GATAD2B: variants seen among roughly 807,000 people sequenced by gnomAD.
GATAD2B encodes the protein transcriptional repressor p66-beta.
GATAD2B carries 8 observed loss-of-function variants against 64.3 expected under a neutral mutation model. The observed-to-expected ratio is 0.12, with a 90% CI of 0.07 to 0.22. GATAD2B has a LOEUF of 0.22. GATAD2B is among the 10% of genes least tolerant of loss of function. The probability of loss-of-function intolerance (pLI) is 1.00; values close to 1 mark genes in which losing one functional copy is unlikely to be tolerated. For missense variants in GATAD2B, 453 were observed against 752.0 expected, an observed-to-expected ratio of 0.60 and a Z score of 4.65; for synonymous variants, 281 against 271.3, an observed-to-expected ratio of 1.04 and a Z score of -0.35.
intron 1 of GATAD2B, among the ~76,000 whole-genome samples, chr1:153,838,870 G>A (rs1048530639): frequency 2.6e-5 from 4 of 152,086 alleles, no homozygotes; most frequent in African/African-American, 9.7e-5. Context: ...AACACTTTGG[G>A]AGGCCAAGGA....
chr1:153,829,524 T>G (rs1675004617), intron 1 of GATAD2B, among the ~76,000 whole-genome samples: 1 of 151,306 alleles, frequency 6.6e-6, no homozygotes, highest in African/African-American at 2.4e-5. Context: ...GATCACGAGG[T>G]CAGGAGTTCA....
At chr1:153,856,672 A>C (rs1676091618) in intron 1 of GATAD2B, among the ~76,000 whole-genome samples, 1 of 152,084 alleles carries the variant, frequency 6.6e-6, no homozygotes, top group South Asian at 2.1e-4. Flanking sequence ...CACTTTGGGA[A>C]ACTGAGGTGG....
At chr1:153,886,687 G>A (rs1677196398) in intron 1 of GATAD2B, among the ~76,000 whole-genome samples, 1 of 151,706 alleles carries the variant, frequency 6.6e-6, no homozygotes. Context: ...GACTAGCTGG[G>A]ACTACAGGTG....
intron 1 of GATAD2B, among the ~76,000 whole-genome samples, chr1:153,893,142 T>C (rs1677473855): frequency 6.6e-6 from 1 of 152,174 alleles, no homozygotes; most frequent in Non-Finnish European, 1.5e-5. Context: ...GTCTATTAGC[T>C]GAGATTTGCC....
chr1:153,830,482 A>ATTAT (rs1553190005), intron 1 of GATAD2B, among the ~76,000 whole-genome samples: 22 of 132,536 alleles, frequency 1.7e-4, no homozygotes, highest in Non-Finnish European at 2.5e-4. Flanking sequence ...TTATTTATTT[A>ATTAT]TTTTTTTTTT....
chr1:153,842,991 C>T (rs1363329611), intron 1 of GATAD2B, among the ~76,000 whole-genome samples: 33 of 132,596 alleles, frequency 2.5e-4, no homozygotes, highest in Admixed American at 4.1e-4. Flanking sequence ...GTCTCGCTGT[C>T]GCCCAGGCTG....
Position 153,817,553 on chromosome 1 carries a change from A to C in GATAD2B, c.730-11T>G. 2 of 1,573,782 alleles carry C rather than the reference A, an allele frequency of 1.3e-6. No individual in the cohort carries two copies. Among genetic ancestry groups the C allele is most frequent in the African/African-American group, 2.7e-5 (2 of 73,644 alleles). On this transcript the variant is annotated splice_polypyrimidine_tract_variant and intron_variant, in intron 5 of 10. Transcript: ENST00000368655. ...GATGACACTGTGACCCTGGAGGGGAAGAAGAGGAAAAGAACTAATCACAGG... is the reference window on the plus strand; with the variant it reads ...GATGACACTGTGACCCTGGAGGGGACGAAGAGGAAAAGAACTAATCACAGG...
At chr1:153,896,890 T>C (rs1677611367) in intron 1 of GATAD2B, among the ~76,000 whole-genome samples, 2 of 152,220 alleles carry the variant, frequency 1.3e-5, no homozygotes, top group Non-Finnish European at 2.9e-5. Flanking sequence ...TTTATACTCA[T>C]TGCTTTTTAT....
At chr1:153,863,627 T>C (rs1676385128) in intron 1 of GATAD2B, among the ~76,000 whole-genome samples, 1 of 152,068 alleles carries the variant, frequency 6.6e-6, no homozygotes, top group Non-Finnish European at 1.5e-5. Flanking sequence ...AAATTCTGTT[T>C]TTCTTTTTTT....
At chr1:153,888,095 A>G (rs561847835) in intron 1 of GATAD2B, among the ~76,000 whole-genome samples, 1 of 152,160 alleles carries the variant, frequency 6.6e-6, no homozygotes, top group Admixed American at 6.6e-5. Context: ...TCAAAAAAAA[A>G]AAAAAAATTA....
At chr1:153,819,784 A>G in intron 2 of GATAD2B, 49 bp from the exon 3 acceptor site, 1 of 1,549,208 alleles carries the variant, frequency 6.5e-7, no homozygotes. Flanking sequence ...AAGTTAAGAA[A>G]ACTTCTATGC....
intron 1 of GATAD2B, among the ~76,000 whole-genome samples, chr1:153,921,041 A>C (rs1247468719): frequency 6.6e-6 from 1 of 152,068 alleles, no homozygotes; most frequent in Non-Finnish European, 1.5e-5. Context: ...CCTCCATAGC[A>C]CCTCCAGAAG....
chr1:153,821,154 T>C (rs373846606), intron 2 of GATAD2B, among the ~76,000 whole-genome samples: 173 of 151,956 alleles, frequency 1.1e-3, no homozygotes, highest in African/African-American at 3.5e-3. Context: ...GCTAATTTTT[T>C]ATTTTTTTGT....
intron 1 of GATAD2B, among the ~76,000 whole-genome samples, chr1:153,871,002 TCC>T (rs1557814842): frequency 6.6e-6 from 1 of 152,090 alleles, no homozygotes; most frequent in East Asian, 1.9e-4. Flanking sequence ...AACCTCTGCC[TCC>T]CCTCTTGCCT....
intron 7 of GATAD2B, among the ~76,000 whole-genome samples, chr1:153,815,379 T>C (rs1674443397): frequency 6.9e-6 from 1 of 144,650 alleles, no homozygotes; most frequent in South Asian, 2.2e-4. Flanking sequence ...CTAAACAAAA[T>C]ACAGTCAGTC....
chr1:153,909,558 T>C (rs955255958), intron 1 of GATAD2B, among the ~76,000 whole-genome samples: 6 of 151,644 alleles, frequency 4.0e-5, no homozygotes, highest in Non-Finnish European at 8.8e-5. Context: ...TCACAGCACT[T>C]TGGGAAGCCA....
intron 1 of GATAD2B, among the ~76,000 whole-genome samples, chr1:153,911,665 G>C (rs1003576284): frequency 2.6e-5 from 4 of 152,128 alleles, no homozygotes; most frequent in African/African-American, 4.8e-5. Context: ...GAACTCGGGA[G>C]GCGGAGGTTG....
At chr1:153,817,704 T>C (rs1674530645) in intron 5 of GATAD2B, among the ~76,000 whole-genome samples, 162 bp from the exon 6 acceptor site, 1 of 152,186 alleles carries the variant, frequency 6.6e-6, no homozygotes, top group Non-Finnish European at 1.5e-5. Flanking sequence ...ATGGGATAAA[T>C]CTACCATCAT....
intron 1 of GATAD2B, among the ~76,000 whole-genome samples, chr1:153,890,172 CAAA>C (rs564018508): frequency 1.5e-5 from 1 of 66,528 alleles, no homozygotes. Flanking sequence ...AACTCTGTTT[CAAA>C]AAAAAAAAAA....
Sources: allele counts gnomAD v4.1 joint callset (sites outside exome capture counted in the v4.1 genomes callset), GRCh38; gene constraint gnomAD v4.1.1; transcripts MANE v1.5; gene names NCBI Gene and HGNC (gene_info 2026-07-23, HGNC 2026-07-21).